Variants in ZFAT observed in about 807,000 individuals in gnomAD.
ZFAT encodes zinc finger and AT-hook domain containing, also known as zinc finger protein ZFAT.
In ZFAT, 64 loss-of-function variants were observed where a neutral mutation model predicts 117.7. That is an observed-to-expected ratio of 0.54 (90% CI 0.44 to 0.67). The LOEUF (loss-of-function observed/expected upper bound fraction) is 0.67. Ranked by LOEUF, ZFAT falls within the 30% of genes least tolerant of loss-of-function variation. ZFAT has a pLI of 0.00. For synonymous variants in ZFAT, 679 were observed against 615.0 expected, an observed-to-expected ratio of 1.10 and a Z score of -1.54; for missense variants, 1,433 against 1,584.5, an observed-to-expected ratio of 0.90 and a Z score of 1.62.
intron 11 of ZFAT, among the ~76,000 whole-genome samples, chr8:134,551,419 G>A (rs1463171234): frequency 6.6e-6 from 1 of 152,172 alleles, no homozygotes; most frequent in Non-Finnish European, 1.5e-5. Flanking sequence ...AAAGAAACCA[G>A]TCCACCCGTC....
the ZFAT span, among the ~76,000 whole-genome samples, chr8:134,749,090 C>G: frequency 6.6e-6 from 1 of 152,094 alleles, no homozygotes; most frequent in East Asian, 1.9e-4. Flanking sequence ...CACTCTGTGG[C>G]TTGTATTTTA....
intron 15 of ZFAT, among the ~76,000 whole-genome samples, chr8:134,503,882 A>C (rs1819179310): frequency 6.6e-6 from 1 of 152,136 alleles, no homozygotes; most frequent in Non-Finnish European, 1.5e-5. Context: ...CAACCTCCAC[A>C]GTCACATCAG....
At chr8:134,696,248 C>G (rs1015432425) in intron 1 of ZFAT, among the ~76,000 whole-genome samples, 4 of 152,252 alleles carry the variant, frequency 2.6e-5, no homozygotes, top group Admixed American at 6.5e-5. Flanking sequence ...CTCCCCAGAC[C>G]CAGGCCGCAT....
intron 10 of ZFAT, among the ~76,000 whole-genome samples, chr8:134,572,201 A>T (rs934214760): frequency 4.6e-5 from 7 of 152,238 alleles, no homozygotes; most frequent in African/African-American, 1.7e-4. Context: ...TGTAAGAATG[A>T]TATCCTTTCA....
At chr8:134,662,970 G>C (rs1431342283) in intron 1 of ZFAT, among the ~76,000 whole-genome samples, 1 of 152,248 alleles carries the variant, frequency 6.6e-6, no homozygotes, top group Admixed American at 6.5e-5. Flanking sequence ...CTACAAAGTT[G>C]CTCTGCAGCG....
intron 15 of ZFAT, among the ~76,000 whole-genome samples, chr8:134,485,376 A>T (rs1340527586): frequency 2.0e-5 from 3 of 152,102 alleles, no homozygotes; most frequent in African/African-American, 7.3e-5. Flanking sequence ...TGACCCCAGC[A>T]CAGTCTTTTT....
chr8:134,704,039 T>G (rs768720428), intron 1 of ZFAT, among the ~76,000 whole-genome samples: 1 of 152,104 alleles, frequency 6.6e-6, no homozygotes, highest in Non-Finnish European at 1.5e-5. Context: ...ATATATAATA[T>G]AGGAGGCAAT....
chr8:134,610,670 C>T lies in ZFAT; in HGVS notation c.449-15G>A. On this transcript the variant is annotated splice_polypyrimidine_tract_variant and intron_variant, in intron 3 of 15. Coordinates refer to ENST00000377838, the MANE Select transcript of ZFAT (RefSeq NM_020863.4). ...AGACTCGTTACCTAAGGAGCAAATA[C>T]CAAGATGCATAAGGTATCCTTTTAT... 1 of 1,613,218 alleles carries T rather than the reference C, an allele frequency of 6.2e-7. No homozygotes were observed. Among genetic ancestry groups the T allele is most frequent in the East Asian group, 2.2e-5 (1 of 44,868 alleles).
the ZFAT span, among the ~76,000 whole-genome samples, chr8:134,830,987 G>C: frequency 6.6e-6 from 1 of 152,186 alleles, no homozygotes; most frequent in African/African-American, 2.4e-5. Flanking sequence ...ATCAGCACAG[G>C]ACTGTCTCGT....
At chr8:134,576,819 G>A (rs1443561999) in intron 10 of ZFAT, among the ~76,000 whole-genome samples, 1 of 152,154 alleles carries the variant, frequency 6.6e-6, no homozygotes, top group East Asian at 1.9e-4. Context: ...CTCTCCACTT[G>A]TCTATTACAA....
At chr8:134,766,291 G>A in the ZFAT span, 2 of 152,102 alleles carry the variant, frequency 1.3e-5, no homozygotes, top group Non-Finnish European at 2.9e-5. Context: ...ACGACTAAAT[G>A]GTCAGATGCA....
the ZFAT span, among the ~76,000 whole-genome samples, chr8:134,832,104 GGGGACGCGCCAGCGCCAGGGTGA>G: frequency 1.5e-5 from 2 of 137,852 alleles, no homozygotes; most frequent in Non-Finnish European, 3.2e-5. Flanking sequence ...GAGAGGGCGC[GGGGACGCGCCAGCGCCAGGGTGA>G]GGGGCGCGCG....
At chr8:134,759,701 C>A in the ZFAT span, among the ~76,000 whole-genome samples, 1 of 151,958 alleles carries the variant, frequency 6.6e-6, no homozygotes, top group African/African-American at 2.4e-5. Flanking sequence ...CCCAGCTGGG[C>A]GCGATGGCTT....
the ZFAT span, among the ~76,000 whole-genome samples, chr8:134,805,590 A>C: frequency 6.6e-6 from 1 of 152,238 alleles, no homozygotes; most frequent in Admixed American, 6.5e-5. Flanking sequence ...TTTTGTTTCC[A>C]CACCACTTTT....
At chr8:134,564,192 CAA>C (rs55811622) in intron 11 of ZFAT, among the ~76,000 whole-genome samples, 65 of 57,480 alleles carry the variant, frequency 1.1e-3, no homozygotes, top group East Asian at 0.011. Flanking sequence ...GACTCCTTCT[CAA>C]AAAAAAAAAA....
chr8:134,688,984 G>C (rs1054826703), intron 1 of ZFAT, among the ~76,000 whole-genome samples: 2 of 152,176 alleles, frequency 1.3e-5, no homozygotes, highest in African/African-American at 4.8e-5. Flanking sequence ...AGCAGATGAA[G>C]GTGCTGCCTG....
In ZFAT at chr8:134,642,811, C is replaced by T. The variant is rs183833774; in HGVS notation, c.197-5099G>A. ...ATCCTGAAAGACTAACATTTTAAGG[C>T]CCTGACAGTCAATCTCCCTGACGTT... On this transcript the variant is annotated intron_variant, in intron 2 of 15. Coordinates refer to ENST00000377838, the MANE Select transcript of ZFAT (RefSeq NM_020863.4). Among the ~76,000 whole-genome samples the T allele has an allele frequency of 1.1e-4, 16 of 152,342 alleles. No individual in the cohort carries two copies. In the East Asian group the frequency reaches 2.9e-3, roughly 28 times the overall value.
the ZFAT span, among the ~76,000 whole-genome samples, chr8:134,812,907 G>A: frequency 6.6e-6 from 1 of 152,170 alleles, no homozygotes; most frequent in Non-Finnish European, 1.5e-5. Context: ...TTTTGTAAAT[G>A]AGAAATGAGA....
At chr8:134,655,368 CGGGGTA>C (rs1831532366) in intron 2 of ZFAT, among the ~76,000 whole-genome samples, 1 of 152,168 alleles carries the variant, frequency 6.6e-6, no homozygotes, top group Non-Finnish European at 1.5e-5. Flanking sequence ...AAATGAAAGG[CGGGGTA>C]CGGTGGCTCA....
Sources: allele counts gnomAD v4.1 joint callset (sites outside exome capture counted in the v4.1 genomes callset), GRCh38; gene constraint gnomAD v4.1.1; transcripts MANE v1.5; gene names NCBI Gene and HGNC (gene_info 2026-07-23, HGNC 2026-07-21).